The following RAB38 variants were observed in gnomAD, a reference collection of about 807,000 sequenced individuals.
RAB38 encodes ras-related protein Rab-38.
RAB38 carries 15 observed loss-of-function variants against 18.4 expected under a neutral mutation model. That is an observed-to-expected ratio of 0.82 (90% CI 0.55 to 1.26). The LOEUF is 1.26. Ranked by LOEUF, RAB38 falls within the 50% of genes most tolerant of loss-of-function variation. The pLI, the probability that RAB38 is intolerant of heterozygous loss-of-function variation, is 0.00. For missense variants in RAB38, 294 were observed against 267.4 expected (o/e 1.10, Z -0.69); for synonymous variants, 101 against 104.4 (o/e 0.97, Z 0.20).
chr11:87,949,653 T>C, the RAB38 span, among the ~76,000 whole-genome samples: 2 of 152,336 alleles, frequency 1.3e-5, no homozygotes, highest in East Asian at 1.9e-4. Flanking sequence ...ATGTACCCAC[T>C]AATCATTCAG....
At chr11:87,910,633 C>T in the RAB38 span, among the ~76,000 whole-genome samples, 415 of 130,984 alleles carry the variant, frequency 3.2e-3, 3 homozygotes, top group African/African-American at 0.01. Context: ...AGTTCATTTT[C>T]TTTTTTTTTT....
chr11:87,860,228 A>T, the RAB38 span, among the ~76,000 whole-genome samples: 1 of 152,034 alleles, frequency 6.6e-6, no homozygotes. Flanking sequence ...GAGCAATACT[A>T]AATATGCATC....
chr11:87,804,588 T>G, the RAB38 span, among the ~76,000 whole-genome samples: 1 of 152,140 alleles, frequency 6.6e-6, no homozygotes, highest in African/African-American at 2.4e-5. Context: ...TTTTTTAATC[T>G]TATTGTGCAT....
the RAB38 span, among the ~76,000 whole-genome samples, chr11:87,817,829 G>A: frequency 2.0e-5 from 3 of 152,126 alleles, no homozygotes; most frequent in Non-Finnish European, 4.4e-5. Flanking sequence ...TTATTATGAA[G>A]TAATTGATCA....
the RAB38 span, among the ~76,000 whole-genome samples, chr11:88,078,740 G>C: frequency 6.6e-6 from 1 of 151,842 alleles, no homozygotes; most frequent in African/African-American, 2.4e-5. Flanking sequence ...GGGGAAGACA[G>C]TTATGAAGAG....
chr11:88,038,517 C>A, the RAB38 span, among the ~76,000 whole-genome samples: 3 of 152,120 alleles, frequency 2.0e-5, no homozygotes, highest in Admixed American at 6.5e-5. Context: ...AGACTGAGTT[C>A]TTTAATGGCA....
downstream of RAB38, among the ~76,000 whole-genome samples, chr11:88,108,808 G>A (rs1379746355): frequency 1.3e-5 from 2 of 152,116 alleles, no homozygotes; most frequent in South Asian, 2.1e-4. Flanking sequence ...GCTTTCTTCA[G>A]GAGCTCTTGT....
chr11:88,017,277 G>C, the RAB38 span, among the ~76,000 whole-genome samples: 673 of 152,000 alleles, frequency 4.4e-3, 2 homozygotes, highest in African/African-American at 0.016. Flanking sequence ...GTGCATAAAT[G>C]TACTTTTCAG....
the RAB38 span, among the ~76,000 whole-genome samples, chr11:87,879,242 G>T: frequency 1.3e-4 from 19 of 151,554 alleles, no homozygotes; most frequent in African/African-American, 4.1e-4. Context: ...GATACGGACT[G>T]TATACACTCA....
intron 2 of RAB38, among the ~76,000 whole-genome samples, chr11:88,122,836 C>G (rs79265990): frequency 0.049 from 7,410 of 152,230 alleles, 217 homozygotes; most frequent in African/African-American, 0.082. Flanking sequence ...TGTGCCAAGA[C>G]TGAGGACTGA....
chr11:87,862,784 TA>T, the RAB38 span, among the ~76,000 whole-genome samples: 2 of 151,828 alleles, frequency 1.3e-5, no homozygotes, highest in South Asian at 2.1e-4. Flanking sequence ...ACAATTTTTT[TA>T]AAAAAGATAG....
the RAB38 span, among the ~76,000 whole-genome samples, chr11:88,029,192 C>T: frequency 1.4e-4 from 22 of 152,050 alleles, no homozygotes; most frequent in African/African-American, 4.8e-4. Context: ...GAGATTTTGT[C>T]ACCACCAGGC....
chr11:88,012,614 G>C, the RAB38 span, among the ~76,000 whole-genome samples: 2 of 152,094 alleles, frequency 1.3e-5, no homozygotes, highest in African/African-American at 4.8e-5. Context: ...TGTGCCCTTT[G>C]TCTTGTGAAC....
the RAB38 span, among the ~76,000 whole-genome samples, chr11:88,083,169 A>G: frequency 6.6e-6 from 1 of 151,846 alleles, no homozygotes; most frequent in African/African-American, 2.4e-5. Flanking sequence ...TTATCGTTAC[A>G]ATAAAGCCTT....
the RAB38 span, among the ~76,000 whole-genome samples, chr11:87,805,651 A>T: frequency 3.3e-4 from 50 of 151,944 alleles, no homozygotes; most frequent in Middle Eastern, 3.4e-3. Flanking sequence ...ACATATACAC[A>T]TTTATGTATG....
chr11:88,039,365 AT>A, the RAB38 span, among the ~76,000 whole-genome samples: 1 of 151,688 alleles, frequency 6.6e-6, no homozygotes, highest in Non-Finnish European at 1.5e-5. Context: ...CTTTTTTTTT[AT>A]GATAGAACAG....
At chr11:87,941,990 G>T in the RAB38 span, among the ~76,000 whole-genome samples, 2 of 152,280 alleles carry the variant, frequency 1.3e-5, no homozygotes, top group African/African-American at 4.8e-5. Flanking sequence ...ATTTGGTGAT[G>T]AGGCTGCTGA....
chr11:88,082,341 A>G, the RAB38 span, among the ~76,000 whole-genome samples: 1 of 151,852 alleles, frequency 6.6e-6, no homozygotes, highest in East Asian at 1.9e-4. Flanking sequence ...TATTTGTAGG[A>G]TGATTCAGGA....
chr11:87,951,396 T>C, the RAB38 span, among the ~76,000 whole-genome samples: 1 of 152,232 alleles, frequency 6.6e-6, no homozygotes, highest in Admixed American at 6.5e-5. Context: ...TCTCAACTCG[T>C]CAAAGTCATT....
Sources: allele counts gnomAD v4.1 joint callset (sites outside exome capture counted in the v4.1 genomes callset), GRCh38; gene constraint gnomAD v4.1.1; transcripts MANE v1.5; gene names NCBI Gene and HGNC (gene_info 2026-07-23, HGNC 2026-07-21).